The following BRI3 variants were observed in gnomAD, a reference collection of about 807,000 sequenced individuals.
BRI3 encodes the protein membrane protein BRI3.
Under a neutral mutation model 12.8 loss-of-function variants are expected in BRI3, and 6 were observed. The ratio of observed to expected loss-of-function variants is 0.47; its 90% CI spans 0.26 to 0.93. BRI3 has a LOEUF of 0.93. BRI3 is among the 40% of genes least tolerant of loss of function. BRI3 has a pLI of 0.15. For synonymous variants in BRI3, 91 were observed against 76.1 expected (o/e 1.20, Z -1.02); for missense variants, 134 against 171.1 (o/e 0.78, Z 1.21).
chr7:98,291,518 T>C lies in BRI3; in HGVS notation c.*275T>C. On this transcript the variant is annotated 3_prime_UTR_variant, in exon 3 of 3. Coordinates refer to ENST00000297290, the MANE Select transcript of BRI3 (RefSeq NM_015379.5). ...TAATGTTTTCAATAAATGAGATTCA[T>C]ACCATTGTTGACCTGGTGCTGCTTA... The C allele has an allele frequency of 8.1e-7, 1 of 1,230,918 alleles. No individual in the cohort carries two copies. Among genetic ancestry groups the C allele is most frequent in the Non-Finnish European group, 1.0e-6 (1 of 978,312 alleles). The allele number at this position is 1,230,918 out of a possible 1,614,324, so 76.2% of individuals were successfully genotyped here. A position where few individuals can be genotyped will look rare whatever the true frequency, so the allele number is the denominator to read the frequency against.
upstream of BRI3, among the ~76,000 whole-genome samples, chr7:98,303,130 AC>A (rs1173269881): frequency 6.6e-6 from 1 of 152,158 alleles, no homozygotes. Context: ...GCATTCCTAA[AC>A]CAAATCATGC....
At chr7:98,312,036 T>C, downstream of BRI3, 1 of 1,502,000 alleles carries the variant, frequency 6.7e-7, no homozygotes, top group Non-Finnish European at 9.0e-7. Flanking sequence ...ACAGGCAAAT[T>C]TGGCCCAGAT....
chr7:98,306,292 A>T, upstream of BRI3: 1 of 956,816 alleles, frequency 1.0e-6, no homozygotes, highest in Non-Finnish European at 1.6e-6. Context: ...GGCAGACAGC[A>T]CTGTGAGCCG....
At chr7:98,302,523 CA>C (rs1189990581), upstream of BRI3, among the ~76,000 whole-genome samples, 1 of 152,190 alleles carries the variant, frequency 6.6e-6, no homozygotes, top group East Asian at 1.9e-4. Flanking sequence ...ACAAGCAAAA[CA>C]GCAACAGACT....
chr7:98,300,141 G>C (rs1165010034), intron 1 of BRI3, among the ~76,000 whole-genome samples: 2 of 152,246 alleles, frequency 1.3e-5, no homozygotes, highest in African/African-American at 4.8e-5. Flanking sequence ...CCCTGTGGCT[G>C]CTGGACTGGG....
chr7:98,304,567 C>T (rs190392259), upstream of BRI3, among the ~76,000 whole-genome samples: 91 of 152,102 alleles, frequency 6.0e-4, 3 homozygotes, highest in East Asian at 0.015. Context: ...AATTTTTTTG[C>T]GACAGAGTCT....
intron 2 of BRI3, among the ~76,000 whole-genome samples, chr7:98,283,295 CAA>C (rs1799594019): frequency 6.6e-6 from 1 of 151,930 alleles, no homozygotes. Flanking sequence ...GACTTGATTT[CAA>C]AAGTGTGTGT....
the BRI3 span, among the ~76,000 whole-genome samples, chr7:98,318,031 T>C: frequency 2.2e-4 from 28 of 127,614 alleles, no homozygotes; most frequent in Middle Eastern, 5.9e-3. Context: ...CTGGGACCCT[T>C]ACTCTGCAAC....
upstream of BRI3, among the ~76,000 whole-genome samples, chr7:98,304,959 T>C (rs1189522302): frequency 6.7e-6 from 1 of 149,926 alleles, no homozygotes; most frequent in African/African-American, 2.5e-5. Context: ...TCCGCCTCCC[T>C]GGTTCAAGTG....
upstream of BRI3, chr7:98,304,273 C>T (rs140375412): frequency 2.2e-5 from 36 of 1,613,648 alleles, no homozygotes; most frequent in Middle Eastern, 1.7e-4. Flanking sequence ...CTCCTGTCGG[C>T]AGCTGCCCCC....
At chr7:98,305,142 C>T (rs1051503528), upstream of BRI3, among the ~76,000 whole-genome samples, 12 of 148,446 alleles carry the variant, frequency 8.1e-5, no homozygotes, top group African/African-American at 2.8e-4. Flanking sequence ...CTGCCCGCCT[C>T]GGCCTCCCAA....
intron 1 of BRI3, chr7:98,307,422 T>TA: frequency 7.7e-7 from 1 of 1,297,676 alleles, no homozygotes; most frequent in Non-Finnish European, 9.8e-7. Flanking sequence ...AAATTTTTTT[T>TA]AAAAACAAAA....
Position 98,308,028 on chromosome 7 carries a change from G to A in BRI3, n.658G>A, listed in dbSNP as rs777189869. The A allele has an allele frequency of 1.3e-5, 11 of 874,662 alleles. No individual in the cohort carries two copies. The South Asian group carries it at 1.5e-4, about 12-fold the overall frequency. The allele number at this position is 874,662 out of a possible 1,614,324, so 54.2% of individuals were successfully genotyped here. On this transcript the variant is annotated non_coding_transcript_exon_variant, in exon 2 of 2. Transcript: ENST00000485422. ...TGCTCCTTCCACGGAAACTGACCCT[G>A]TCCTATTTCCTCGCTTTGATCATTG...
chr7:98,296,629 A>G (rs980225141), downstream of BRI3, among the ~76,000 whole-genome samples: 2 of 152,178 alleles, frequency 1.3e-5, no homozygotes, highest in African/African-American at 4.8e-5. Flanking sequence ...ATCTGTAAAA[A>G]ACAAAAAAAC....
At chr7:98,301,155 G>A (rs1204512162) in intron 1 of BRI3, among the ~76,000 whole-genome samples, 1 of 152,322 alleles carries the variant, frequency 6.6e-6, no homozygotes, top group East Asian at 1.9e-4. Context: ...CCATGTGACT[G>A]TGTTGACAGA....
At chr7:98,289,536 G>C (rs980771629) in intron 2 of BRI3, among the ~76,000 whole-genome samples, 1 of 152,204 alleles carries the variant, frequency 6.6e-6, no homozygotes, top group Non-Finnish European at 1.5e-5. Context: ...GCAGGCAGGC[G>C]GCTGCACTGC....
chr7:98,285,163 C>T (rs1799669175), intron 2 of BRI3, among the ~76,000 whole-genome samples: 3 of 152,168 alleles, frequency 2.0e-5, no homozygotes, highest in Admixed American at 2.0e-4. Context: ...TTTCACTTTT[C>T]CTAGGGAAGG....
upstream of BRI3, among the ~76,000 whole-genome samples, chr7:98,303,459 T>TC (rs1800508921): frequency 6.6e-6 from 1 of 152,168 alleles, no homozygotes. Flanking sequence ...GCCGCGCTGC[T>TC]CCCCACCACG....
chr7:98,301,357 T>G (rs1359376100), intron 1 of BRI3, among the ~76,000 whole-genome samples: 1 of 152,074 alleles, frequency 6.6e-6, no homozygotes, highest in Non-Finnish European at 1.5e-5. Context: ...ATGATTAGAA[T>G]CCGCATAAGG....
Sources: gnomAD v4.1 joint callset for allele counts (sites outside exome capture counted in the v4.1 genomes callset) on GRCh38, gnomAD v4.1.1 for gene constraint, MANE v1.5 for transcripts, NCBI Gene and HGNC (gene_info 2026-07-23, HGNC 2026-07-21) for gene names.